The following SSBP3 variants were observed in gnomAD, a reference collection of about 807,000 sequenced individuals.
SSBP3 encodes single-stranded DNA-binding protein 3.
Under a neutral mutation model 69.6 loss-of-function variants are expected in SSBP3, and 5 were observed. That is an observed-to-expected ratio of 0.07 (90% confidence interval 0.04 to 0.15). The LOEUF is 0.15. Among genes scored for constraint, SSBP3 ranks in the 10% least tolerant of loss-of-function variants. The pLI is 1.00. For missense variants in SSBP3, 312 were observed against 534.0 expected (o/e 0.58, Z 4.10); for synonymous variants, 196 against 193.4 (o/e 1.01, Z -0.11).
At chr1:54,360,548 C>T (rs1050811900) in intron 4 of SSBP3, among the ~76,000 whole-genome samples, 3 of 152,128 alleles carry the variant, frequency 2.0e-5, no homozygotes, top group Non-Finnish European at 2.9e-5. Flanking sequence ...GTAAACTGGC[C>T]TGGGAATGGC....
At chr1:54,412,381 G>A (rs1274049217) in intron 1 of SSBP3, among the ~76,000 whole-genome samples, 1 of 152,152 alleles carries the variant, frequency 6.6e-6, no homozygotes, top group East Asian at 1.9e-4. Context: ...ATGCAGTTCT[G>A]ATACAGTCTA....
chr1:54,261,357 T>C (rs1216551776), intron 5 of SSBP3, among the ~76,000 whole-genome samples: 1 of 152,250 alleles, frequency 6.6e-6, no homozygotes, highest in Admixed American at 6.5e-5. Context: ...ACAGGTAGGT[T>C]TGAAGAAGAC....
At chr1:54,254,224 C>T (rs917164616) in intron 7 of SSBP3, among the ~76,000 whole-genome samples, 3 of 152,234 alleles carry the variant, frequency 2.0e-5, no homozygotes, top group African/African-American at 7.2e-5. Flanking sequence ...TCCTACAGCA[C>T]TGCATGTGGG....
intron 7 of SSBP3, among the ~76,000 whole-genome samples, chr1:54,255,167 G>GGT (rs1644899577): frequency 7.1e-6 from 1 of 140,656 alleles, no homozygotes; most frequent in East Asian, 2.4e-4. Context: ...GCGGGGGGGG[G>GGT]GGTGGTTGGC....
chr1:54,301,435 C>T (rs1263867780), intron 4 of SSBP3, among the ~76,000 whole-genome samples: 1 of 152,214 alleles, frequency 6.6e-6, no homozygotes, highest in Admixed American at 6.5e-5. Flanking sequence ...CTGTGCCCCA[C>T]TTTTGTGAGG....
At chr1:54,239,180 G>T in exon 14 of SSBP3, 1 of 1,613,452 alleles carries the variant, frequency 6.2e-7, no homozygotes, top group Non-Finnish European at 8.5e-7. Context: ...TGTAGATGTT[G>T]TCACTGGAAT....
At chr1:54,277,741 C>T (rs1440783459) in intron 5 of SSBP3, among the ~76,000 whole-genome samples, 2 of 152,208 alleles carry the variant, frequency 1.3e-5, no homozygotes, top group Non-Finnish European at 1.5e-5. Flanking sequence ...TTGTGAGTCC[C>T]GTTTTGGACT....
intron 4 of SSBP3, among the ~76,000 whole-genome samples, chr1:54,324,097 G>A (rs1237089515): frequency 3.3e-5 from 5 of 152,194 alleles, no homozygotes; most frequent in African/African-American, 7.2e-5. Flanking sequence ...CGTGTTGCCT[G>A]CGTTCCTGAG....
rs1553151467 is a variant in SSBP3, at chr1:54,404,812, G to GGGC, written c.129+45_129+46insGCC. 35 of 1,018,044 alleles carry GGGC rather than the reference G, an allele frequency of 3.4e-5. No individual in the cohort carries two copies. In the South Asian group the frequency reaches 4.5e-4, roughly 13 times the overall value. 63.1% of individuals were successfully genotyped at this position (1,018,044 alleles called of 1,614,324 possible). A position where few individuals can be genotyped will look rare whatever the true frequency, so the allele number is the denominator to read the frequency against. On this transcript the variant is annotated intron_variant, in intron 2 of 17. Coordinates refer to ENST00000610401, the Ensembl canonical transcript of SSBP3. ...AAACAAAGGCTCTAAGAATAGTGGGGGGGGGGGGTGTCAAGAAATTGGATG... is the reference window on the plus strand; with the variant it reads ...AAACAAAGGCTCTAAGAATAGTGGGGGGCGGGGGGGGTGTCAAGAAATTGGATG...
At chr1:54,368,095 A>G (rs1175276885) in intron 4 of SSBP3, among the ~76,000 whole-genome samples, 1 of 152,102 alleles carries the variant, frequency 6.6e-6, no homozygotes, top group African/African-American at 2.4e-5. Flanking sequence ...TGAGGTCAGG[A>G]GTTCGAGACC....
At chr1:54,360,180 CAAA>C (rs1222048362) in intron 4 of SSBP3, among the ~76,000 whole-genome samples, 1 of 152,114 alleles carries the variant, frequency 6.6e-6, no homozygotes, top group Non-Finnish European at 1.5e-5. Flanking sequence ...CAGTTCAACC[CAAA>C]AAACATTATA....
At chr1:54,243,487 G>C (rs1035363034) in intron 9 of SSBP3, among the ~76,000 whole-genome samples, 188 bp from the exon 10 acceptor site, 1 of 152,170 alleles carries the variant, frequency 6.6e-6, no homozygotes, top group Admixed American at 6.5e-5. Context: ...ACAATGACAA[G>C]CCAGCACAGA....
chr1:54,248,137 G>A (rs1043055698), intron 9 of SSBP3, among the ~76,000 whole-genome samples: 3 of 152,244 alleles, frequency 2.0e-5, no homozygotes, highest in Non-Finnish European at 4.4e-5. Flanking sequence ...AAGTTCTGGA[G>A]TGGTCACTGG....
intron 4 of SSBP3, among the ~76,000 whole-genome samples, chr1:54,383,309 C>T (rs982240674): frequency 6.6e-6 from 1 of 151,590 alleles, no homozygotes; most frequent in African/African-American, 2.4e-5. Flanking sequence ...ACCCGGCAGG[C>T]GGAGGTTGTA....
At chr1:54,311,487 T>C (rs529107534) in intron 4 of SSBP3, among the ~76,000 whole-genome samples, 5 of 152,202 alleles carry the variant, frequency 3.3e-5, no homozygotes, top group South Asian at 2.1e-4. Context: ...CCAGGGACAA[T>C]GGAGGTAAAA....
chr1:54,397,116 G>T (rs1177983492), intron 4 of SSBP3, among the ~76,000 whole-genome samples: 1 of 152,238 alleles, frequency 6.6e-6, no homozygotes, highest in African/African-American at 2.4e-5. Flanking sequence ...ACACAAGGGT[G>T]CCAAGGGTCA....
At chr1:54,263,843 C>A (rs192365157) in intron 5 of SSBP3, among the ~76,000 whole-genome samples, 10 of 152,316 alleles carry the variant, frequency 6.6e-5, no homozygotes, top group Non-Finnish European at 1.5e-5. Flanking sequence ...ACCCAGCAAG[C>A]CCCGGGGCAG....
chr1:54,320,093 G>T (rs1274433871), intron 4 of SSBP3, among the ~76,000 whole-genome samples: 1 of 152,322 alleles, frequency 6.6e-6, no homozygotes, highest in East Asian at 1.9e-4. Context: ...CTTCAGAGGT[G>T]AATCAGAGGC....
At chr1:54,380,493 A>G (rs1392161724) in intron 4 of SSBP3, among the ~76,000 whole-genome samples, 1 of 152,244 alleles carries the variant, frequency 6.6e-6, no homozygotes, top group Non-Finnish European at 1.5e-5. Context: ...CCGAGTTAAA[A>G]ACATTTTCAA....
Sources: gnomAD v4.1 joint callset for allele counts (sites outside exome capture counted in the v4.1 genomes callset) on GRCh38, gnomAD v4.1.1 for gene constraint, MANE v1.5 for transcripts, NCBI Gene and HGNC (gene_info 2026-07-23, HGNC 2026-07-21) for gene names.